ANKS1B: variants seen among roughly 807,000 people sequenced by gnomAD.
ANKS1B encodes the protein ankyrin repeat and sterile alpha motif domain-containing protein 1B.
In ANKS1B, 36 loss-of-function variants were observed where a neutral mutation model predicts 148.3. The ratio of observed to expected loss-of-function variants is 0.24; its 90% CI spans 0.19 to 0.32. The LOEUF (loss-of-function observed/expected upper bound fraction) is 0.32. ANKS1B is among the 10% of genes least tolerant of loss of function. ANKS1B has a pLI of 1.00. For missense variants in ANKS1B, 1,157 were observed against 1,542.6 expected (o/e 0.75, Z 4.19); for synonymous variants, 542 against 560.8 (o/e 0.97, Z 0.47).
chr12:99,504,639 C>A lies in ANKS1B; in HGVS notation c.1275G>T (p.Glu425Asp), dbSNP rs754431633. 1.3e-6 allele frequency: 2 copies of A among 1,544,178 alleles called. No individual in the cohort carries two copies. Among genetic ancestry groups the A allele is most frequent in the African/African-American group, 2.8e-5 (2 of 72,184 alleles). ...RNLGFPMLAQESYPKKRNYTM... is the reference protein window; with the variant it reads ...RNLGFPMLAQDSYPKKRNYTM... ...TGTAATTTCTCTTCTTTGGATAGGA[C>A]TCCTGAAAAGAAGAAAAAATAAAAA... The change falls in exon 10 of 27, where the codon GAG becomes GAT. Residue 425 changes from glutamate to aspartate, a missense_variant and splice_region_variant. Coordinates refer to ENST00000683438, the MANE Select transcript of ANKS1B (RefSeq NM_001352186.2).
downstream of ANKS1B, among the ~76,000 whole-genome samples, chr12:98,743,687 C>T (rs1169164418): frequency 5.3e-5 from 8 of 152,316 alleles, no homozygotes; most frequent in East Asian, 1.2e-3. Flanking sequence ...CAAAAGTGAT[C>T]CAGTTTGGTG....
intron 14 of ANKS1B, among the ~76,000 whole-genome samples, chr12:99,176,988 G>T (rs183849118): frequency 3.3e-5 from 5 of 152,262 alleles, no homozygotes; most frequent in Admixed American, 3.3e-4. Context: ...GACTCTGAAT[G>T]CATATTTTCT....
intron 17 of ANKS1B, among the ~76,000 whole-genome samples, chr12:98,975,167 C>T (rs576618827): frequency 1.3e-5 from 2 of 148,210 alleles, no homozygotes; most frequent in East Asian, 4.0e-4. Flanking sequence ...CCTTCCCTCC[C>T]TCCCACCTTC....
intron 12 of ANKS1B, among the ~76,000 whole-genome samples, chr12:99,349,328 A>C (rs1297651226): frequency 6.6e-6 from 1 of 152,010 alleles, no homozygotes; most frequent in Admixed American, 6.6e-5. Flanking sequence ...GCAAAATGGC[A>C]TAAGTAAGTT....
intron 1 of ANKS1B, among the ~76,000 whole-genome samples, chr12:99,847,469 C>A (rs1012205855): frequency 2.6e-5 from 4 of 152,132 alleles, no homozygotes; most frequent in South Asian, 2.1e-4. Flanking sequence ...GGTCATAAGA[C>A]CCTCATTCTA....
At chr12:99,056,972 C>A (rs2040413235) in intron 16 of ANKS1B, among the ~76,000 whole-genome samples, 1 of 152,014 alleles carries the variant, frequency 6.6e-6, no homozygotes, top group African/African-American at 2.4e-5. Context: ...TTTTCCATTT[C>A]AGTTAAGGGC....
chr12:99,221,437 A>T (rs2085114191), intron 14 of ANKS1B, among the ~76,000 whole-genome samples: 1 of 152,218 alleles, frequency 6.6e-6, no homozygotes, highest in Non-Finnish European at 1.5e-5. Context: ...TACAACTTGT[A>T]TCCATTCATG....
intron 8 of ANKS1B, among the ~76,000 whole-genome samples, chr12:99,768,813 G>T (rs1320489527): frequency 1.6e-5 from 2 of 125,182 alleles, no homozygotes; most frequent in Non-Finnish European, 3.2e-5. Context: ...GACAGAGCAC[G>T]ACTCCGTCTC....
chr12:99,532,397 T>C (rs2097006906), intron 9 of ANKS1B, among the ~76,000 whole-genome samples: 1 of 152,220 alleles, frequency 6.6e-6, no homozygotes, highest in Admixed American at 6.5e-5. Context: ...AGTCTCGCTC[T>C]GTCGCCAGGC....
chr12:99,315,859 C>A (rs113384741), intron 12 of ANKS1B, among the ~76,000 whole-genome samples: 2 of 152,012 alleles, frequency 1.3e-5, no homozygotes, highest in South Asian at 4.2e-4. Context: ...TGTGATGTTC[C>A]TCACTCTGTG....
intron 1 of ANKS1B, among the ~76,000 whole-genome samples, chr12:99,857,372 C>T (rs2089322004): frequency 6.6e-6 from 1 of 152,116 alleles, no homozygotes; most frequent in Non-Finnish European, 1.5e-5. Context: ...CAAAACACTG[C>T]TGAAAGAAAT....
intron 22 of ANKS1B, among the ~76,000 whole-genome samples, chr12:98,791,073 G>A (rs1200262051): frequency 6.6e-6 from 1 of 152,194 alleles, no homozygotes; most frequent in Non-Finnish European, 1.5e-5. Flanking sequence ...GAGGCTGGGC[G>A]TGGTGGCTCA....
intron 9 of ANKS1B, among the ~76,000 whole-genome samples, chr12:99,555,394 G>A (rs1035254565): frequency 2.0e-5 from 3 of 152,136 alleles, no homozygotes; most frequent in Non-Finnish European, 4.4e-5. Flanking sequence ...AACAGAAATA[G>A]TTTTACTTTT....
chr12:99,549,363 C>T (rs2097198389), intron 9 of ANKS1B, among the ~76,000 whole-genome samples: 3 of 152,142 alleles, frequency 2.0e-5, no homozygotes, highest in African/African-American at 7.2e-5. Flanking sequence ...AGATCAGTCC[C>T]TGCCAAAATT....
At chr12:99,071,724 T>C (rs1448256485) in intron 16 of ANKS1B, among the ~76,000 whole-genome samples, 1 of 151,930 alleles carries the variant, frequency 6.6e-6, no homozygotes, top group African/African-American at 2.4e-5. Flanking sequence ...CTTGGCTCAC[T>C]GCAAGCTCCA....
intron 8 of ANKS1B, among the ~76,000 whole-genome samples, chr12:99,716,370 C>T (rs183872223): frequency 2.0e-5 from 3 of 151,920 alleles, no homozygotes; most frequent in Admixed American, 6.6e-5. Context: ...TAAGAACCTC[C>T]GAACCTCTTC....
chr12:99,681,058 A>G (rs1599561065), intron 8 of ANKS1B, among the ~76,000 whole-genome samples: 1 of 152,022 alleles, frequency 6.6e-6, no homozygotes, highest in Non-Finnish European at 1.5e-5. Context: ...ATTTTTCTCC[A>G]CCTGCCCTGG....
chr12:99,280,357 A>C (rs564313101), intron 12 of ANKS1B, among the ~76,000 whole-genome samples: 2 of 152,312 alleles, frequency 1.3e-5, no homozygotes, highest in South Asian at 4.1e-4. Context: ...TGCTGGATAC[A>C]TAATCTGACT....
At chr12:99,442,949 G>A (rs569757203) in intron 11 of ANKS1B, among the ~76,000 whole-genome samples, 6 of 152,014 alleles carry the variant, frequency 3.9e-5, no homozygotes, top group African/African-American at 1.4e-4. Context: ...CCAATTTCGT[G>A]TTCTGGGTCC....
Sources: allele counts gnomAD v4.1 joint callset (sites outside exome capture counted in the v4.1 genomes callset), GRCh38; gene constraint gnomAD v4.1.1; transcripts MANE v1.5; gene names NCBI Gene and HGNC (gene_info 2026-07-23, HGNC 2026-07-21).